CCDC178: variants seen among roughly 807,000 people sequenced by gnomAD.
CCDC178 encodes coiled-coil domain-containing protein 178.
Under a neutral mutation model 117.4 loss-of-function variants are expected in CCDC178, and 126 were observed. That is an observed-to-expected ratio of 1.07 (90% CI 0.93 to 1.24). CCDC178 has a LOEUF of 1.24. Among genes scored for constraint, CCDC178 ranks in the 50% most tolerant of loss-of-function variants. The probability of loss-of-function intolerance (pLI) is 0.00; values close to 1 mark genes in which losing one functional copy is unlikely to be tolerated. For missense variants in CCDC178, 1,030 were observed against 986.9 expected (o/e 1.04, Z -0.59); for synonymous variants, 283 against 313.4 (o/e 0.90, Z 1.02).
chr18:33,352,954 T>A (rs972445049), intron 7 of CCDC178, among the ~76,000 whole-genome samples: 1 of 152,098 alleles, frequency 6.6e-6, no homozygotes, highest in Non-Finnish European at 1.5e-5. Context: ...TCAAGTCTAT[T>A]TATTTATTGA....
intron 20 of CCDC178, among the ~76,000 whole-genome samples, chr18:33,127,436 T>A (rs1401928079): frequency 6.6e-6 from 1 of 152,088 alleles, no homozygotes; most frequent in Non-Finnish European, 1.5e-5. Context: ...ATCAGTTTTT[T>A]TGTTTGTTTG....
chr18:33,175,097 C>CT (rs34473412), intron 20 of CCDC178, among the ~76,000 whole-genome samples: 24,339 of 151,744 alleles, frequency 0.16, 2,727 homozygotes, highest in African/African-American at 0.32. Flanking sequence ...CGGCTGGTCT[C>CT]TAACTCCTGA....
At chr18:33,098,671 C>CA (rs1201000256) in intron 20 of CCDC178, among the ~76,000 whole-genome samples, 3 of 151,878 alleles carry the variant, frequency 2.0e-5, no homozygotes, top group African/African-American at 7.3e-5. Context: ...CATCAGAAAA[C>CA]AAAAAATGTA....
At position 33,103,227 on chromosome 18, in the gene CCDC178, A is replaced by C. The variant is rs188929296; in HGVS notation, c.2239-10317T>G. ...AGCAAGAGAAAATAAGGAAGATGCA[A>C]AAGTGGAAACCCCTGATAAAACCAT... On this transcript the variant is annotated intron_variant, in intron 20 of 22. Coordinates refer to ENST00000383096, the MANE Select transcript of CCDC178 (RefSeq NM_001105528.4). Among the ~76,000 whole-genome samples the C allele has an allele frequency of 3.4e-3, 519 of 151,878 alleles. 3 individuals carry two copies. The highest frequency in any genetic ancestry group is 4.5e-3 in the Non-Finnish European group (307 of 67,858).
chr18:32,967,351 TAA>T (rs1328910090), intron 22 of CCDC178, among the ~76,000 whole-genome samples: 1 of 151,756 alleles, frequency 6.6e-6, no homozygotes, highest in African/African-American at 2.4e-5. Flanking sequence ...TTATATATTA[TAA>T]AGTTATGTTG....
intron 15 of CCDC178, among the ~76,000 whole-genome samples, chr18:33,232,216 G>A (rs2059375677): frequency 6.6e-6 from 1 of 152,144 alleles, no homozygotes; most frequent in Non-Finnish European, 1.5e-5. Context: ...CAAACCAGAA[G>A]GTGGCAGCAG....
chr18:33,399,452 A>G (rs959021070), intron 3 of CCDC178, among the ~76,000 whole-genome samples: 3 of 152,244 alleles, frequency 2.0e-5, no homozygotes, highest in African/African-American at 7.2e-5. Flanking sequence ...AACTTCTTTC[A>G]AAAAGGAAGC....
chr18:33,388,519 A>ATTTTTTTTTTTTTTTTTTTTTTTTTTTT (rs71159828), intron 5 of CCDC178, among the ~76,000 whole-genome samples: 1 of 65,268 alleles, frequency 1.5e-5, no homozygotes, highest in African/African-American at 6.3e-5. Flanking sequence ...ACACCACGGA[A>ATTTTTTTTTTTTTTTTTTTTTTTTTTTT]TTTTTTTTTT....
At chr18:33,411,070 T>C (rs537216449) in intron 3 of CCDC178, among the ~76,000 whole-genome samples, 19 of 152,176 alleles carry the variant, frequency 1.2e-4, no homozygotes, top group Non-Finnish European at 2.8e-4. Context: ...ATGAGTGAGC[T>C]GTACTGAGCC....
chr18:33,256,638 A>T (rs1259028918), intron 14 of CCDC178, among the ~76,000 whole-genome samples: 1 of 152,056 alleles, frequency 6.6e-6, no homozygotes, highest in East Asian at 1.9e-4. Context: ...ATCATCTGCC[A>T]TTATCTTTTT....
chr18:33,133,836 C>T (rs1364214387), intron 20 of CCDC178, among the ~76,000 whole-genome samples: 1 of 151,898 alleles, frequency 6.6e-6, no homozygotes, highest in Non-Finnish European at 1.5e-5. Flanking sequence ...GATCAGAAAA[C>T]ATTAATTCAA....
intron 22 of CCDC178, among the ~76,000 whole-genome samples, chr18:32,969,102 C>A (rs1012751851): frequency 1.3e-5 from 2 of 152,012 alleles, no homozygotes; most frequent in African/African-American, 4.8e-5. Context: ...TCTTACTAAA[C>A]CAGTTCACTA....
chr18:33,110,488 T>C (rs1444273963), intron 20 of CCDC178, among the ~76,000 whole-genome samples: 10 of 151,672 alleles, frequency 6.6e-5, no homozygotes, highest in Admixed American at 6.6e-4. Context: ...ATAAATCAGA[T>C]GTTCTCACAG....
intron 21 of CCDC178, among the ~76,000 whole-genome samples, chr18:32,992,732 C>G (rs2055420525): frequency 1.3e-5 from 2 of 152,170 alleles, no homozygotes; most frequent in South Asian, 4.1e-4. Context: ...TTGACTGAAT[C>G]TTTCTACAAT....
chr18:32,966,816 A>G (rs1439972275), intron 22 of CCDC178, among the ~76,000 whole-genome samples: 2 of 151,844 alleles, frequency 1.3e-5, no homozygotes, highest in East Asian at 1.9e-4. Flanking sequence ...TGCAAATGAT[A>G]TATGTTTACT....
chr18:32,941,912 G>A (rs1321367993), intron 22 of CCDC178, among the ~76,000 whole-genome samples: 1 of 152,112 alleles, frequency 6.6e-6, no homozygotes, highest in Non-Finnish European at 1.5e-5. Context: ...AGTAAGGATT[G>A]ATGAACCTCT....
chr18:33,398,301 C>T (rs983961095), intron 3 of CCDC178, among the ~76,000 whole-genome samples: 2 of 151,746 alleles, frequency 1.3e-5, no homozygotes, highest in Admixed American at 1.3e-4. Flanking sequence ...AGATATGATA[C>T]CCACAAAAAT....
At chr18:33,372,500 G>A (rs572090205) in intron 5 of CCDC178, among the ~76,000 whole-genome samples, 31 of 152,014 alleles carry the variant, frequency 2.0e-4, no homozygotes, top group Non-Finnish European at 4.0e-4. Context: ...TAAATCGAGG[G>A]AGCTCCTCCT....
intron 21 of CCDC178, among the ~76,000 whole-genome samples, chr18:32,991,496 T>C (rs1949872013): frequency 6.6e-6 from 1 of 152,118 alleles, no homozygotes; most frequent in African/African-American, 2.4e-5. Context: ...CAAGAGAAAA[T>C]GGTGGTAGTG....
Sources: allele counts gnomAD v4.1 joint callset (sites outside exome capture counted in the v4.1 genomes callset), GRCh38; gene constraint gnomAD v4.1.1; transcripts MANE v1.5; gene names NCBI Gene and HGNC (gene_info 2026-07-23, HGNC 2026-07-21).